RASA3: variants seen among roughly 807,000 people sequenced by gnomAD.
The protein encoded by RASA3 is ras GTPase-activating protein 3.
In RASA3, 73 loss-of-function variants were observed where a neutral mutation model predicts 110.0. That is an observed-to-expected ratio of 0.66 (90% confidence interval 0.55 to 0.81). The LOEUF is 0.81. Among genes scored for constraint, RASA3 ranks in the 30% least tolerant of loss-of-function variants. The probability of loss-of-function intolerance (pLI) is 0.00; values close to 1 mark genes in which losing one functional copy is unlikely to be tolerated. For missense variants in RASA3, 976 were observed against 1,113.2 expected (o/e 0.88, Z 1.75); for synonymous variants, 500 against 451.4 (o/e 1.11, Z -1.37).
At chr13:114,080,286 C>T (rs11843169) in intron 1 of RASA3, among the ~76,000 whole-genome samples, 9,369 of 152,212 alleles carry the variant, frequency 0.062, 670 homozygotes, top group African/African-American at 0.14. Context: ...CCGGGAGGGG[C>T]TGCTGGGAGC....
Position 114,000,881 on chromosome 13 carries a change from A to G in RASA3, c.1794T>C (p.Phe598=), listed in dbSNP as rs746822665. 1 of 1,613,938 alleles carries G rather than the reference A, an allele frequency of 6.2e-7. No individual in the cohort carries two copies. The highest frequency in any genetic ancestry group is 8.5e-7 in the Non-Finnish European group (1 of 1,179,898). Residue 598 remains phenylalanine (F), a synonymous_variant, in exon 19 of 24, where the codon TTT becomes TTC. Coordinates refer to ENST00000334062, the MANE Select transcript of RASA3 (RefSeq NM_007368.4). ...QGRKRFGMKN[F]KKRWFRLTNH... is the part of the protein sequence containing the mutation. ...TGGTCAAGCGAAACCATCTCTTCTT[A>G]AAATTCTTCATCCCAAAGCGCTTCC...
At chr13:114,051,292 G>A (rs143386344) in intron 3 of RASA3, among the ~76,000 whole-genome samples, 19 of 152,332 alleles carry the variant, frequency 1.2e-4, no homozygotes, top group East Asian at 5.8e-4. Flanking sequence ...CGTCCTGGGC[G>A]TGAGCTCAGG....
intron 1 of RASA3, among the ~76,000 whole-genome samples, chr13:114,110,414 T>C (rs996888815): frequency 3.3e-5 from 5 of 152,166 alleles, no homozygotes; most frequent in African/African-American, 7.2e-5. Context: ...AATCTCAGTG[T>C]CTGAAATAAG....
At chr13:114,032,439 A>T (rs2054186816) in intron 4 of RASA3, among the ~76,000 whole-genome samples, 1 of 152,132 alleles carries the variant, frequency 6.6e-6, no homozygotes, top group Non-Finnish European at 1.5e-5. Context: ...CCATGTACTG[A>T]TTTATGACTT....
intron 4 of RASA3, chr13:114,036,077 C>A (rs947636216): frequency 2.6e-5 from 4 of 152,254 alleles, no homozygotes; most frequent in Non-Finnish European, 4.4e-5. Flanking sequence ...CACTTGAAAG[C>A]CTGGTTTATA....
intron 1 of RASA3, among the ~76,000 whole-genome samples, chr13:114,123,246 T>TG (rs1488306864): frequency 2.0e-5 from 3 of 152,264 alleles, no homozygotes; most frequent in South Asian, 2.1e-4. Context: ...ATGGCTGCTC[T>TG]GGGGAAGAGA....
At chr13:114,110,963 C>A (rs1156379945) in intron 1 of RASA3, among the ~76,000 whole-genome samples, 5 of 152,156 alleles carry the variant, frequency 3.3e-5, no homozygotes, top group African/African-American at 1.2e-4. Context: ...TCGCCAGACA[C>A]CTGTCATAAT....
In RASA3 at chr13:114,052,132, TAA is replaced by T; in HGVS notation, c.195_196del (p.Phe65LeufsTer3). The T allele has an allele frequency of 6.2e-7, 1 of 1,613,124 alleles. No homozygotes were observed. Among genetic ancestry groups the T allele is most frequent in the Non-Finnish European group, 8.5e-7 (1 of 1,179,544 alleles). ...ACGAAAGCTCCGAGGAATTTCACAG[TAA>T]AAGTCTTCTCCGTAAAACGGGCTAG... is the stretch of plus-strand genomic sequence containing the variant. On this transcript the variant is annotated frameshift_variant, in exon 3 of 24. Transcript: ENST00000334062. LOFTEE classifies it high-confidence loss of function.
intron 1 of RASA3, among the ~76,000 whole-genome samples, chr13:114,113,167 C>T (rs988301910): frequency 2.6e-5 from 4 of 152,210 alleles, no homozygotes; most frequent in African/African-American, 7.2e-5. Context: ...GCTGTTTCCA[C>T]GGATGAGGCT....
chr13:114,082,660 C>T lies in RASA3; in HGVS notation c.56-8823G>A, dbSNP rs535717981. ...GCAGCCCCAGAGAAGGAATGGGGGG[C>T]AGGGAAAACAACTTTCCTTAACCCA... is the stretch of plus-strand genomic sequence containing the variant. On this transcript the variant is annotated intron_variant, in intron 1 of 23. Transcript: ENST00000334062. Among the ~76,000 whole-genome samples the T allele has an allele frequency of 2.0e-5, 3 of 152,282 alleles. No homozygotes were observed. In the East Asian group the frequency reaches 5.8e-4, roughly 29 times the overall value.
In RASA3 at chr13:114,056,627, G is replaced by A. The variant is rs1333458602; in HGVS notation, c.174-4472C>T. On this transcript the variant is annotated intron_variant, in intron 2 of 23. Coordinates refer to ENST00000334062, the MANE Select transcript of RASA3 (RefSeq NM_007368.4). This position sits in a 1 kb window ranked among gnomAD's most constrained non-coding sequence, Gnocchi z 5.7. ...GCCCGTGCTGGCTGGGCACCTGGGAGGGTCCCGTGAGGCTTCTGGTGGTGC... is the reference window on the plus strand; with the variant it reads ...GCCCGTGCTGGCTGGGCACCTGGGAAGGTCCCGTGAGGCTTCTGGTGGTGC... The A allele has an allele frequency of 2.8e-5, 28 of 985,220 alleles. No homozygotes were observed. The highest frequency in any genetic ancestry group is 6.2e-5 in the Admixed American group (1 of 16,252). 61.0% of individuals were successfully genotyped at this position (985,220 alleles called of 1,614,324 possible).
intron 1 of RASA3, among the ~76,000 whole-genome samples, chr13:114,074,895 G>A (rs939463858): frequency 6.6e-6 from 1 of 152,270 alleles, no homozygotes; most frequent in Admixed American, 6.5e-5. Flanking sequence ...CCAGTTTACT[G>A]GAGAATAGGG....
At chr13:114,079,036 C>T (rs959110314) in intron 1 of RASA3, among the ~76,000 whole-genome samples, 4 of 152,222 alleles carry the variant, frequency 2.6e-5, no homozygotes, top group Non-Finnish European at 2.9e-5. Flanking sequence ...CAGCAGCGGG[C>T]GTCTCCCAGG....
At chr13:113,992,647 T>A in intron 21 of RASA3, 59 bp from the exon 22 acceptor site, 2 of 1,240,356 alleles carry the variant, frequency 1.6e-6, no homozygotes, top group Non-Finnish European at 2.3e-6. Flanking sequence ...ATGCTTTTAA[T>A]AATGACATTC....
intron 4 of RASA3, among the ~76,000 whole-genome samples, chr13:114,034,988 AGGGAGAGC>A (rs2054253284): frequency 2.0e-5 from 3 of 149,684 alleles, no homozygotes; most frequent in African/African-American, 7.4e-5. Flanking sequence ...TTAGAGCAGA[AGGGAGAGC>A]TGAACGCTGA....
At chr13:114,024,449 C>T in intron 7 of RASA3, 94 bp from the exon 8 acceptor site, 3 of 1,082,850 alleles carry the variant, frequency 2.8e-6, no homozygotes, top group Middle Eastern at 2.6e-4. Context: ...ACCCTCTGCG[C>T]TTACCCACAC....
chr13:114,037,936 ACGGCC>A (rs2054311081), intron 4 of RASA3, among the ~76,000 whole-genome samples: 1 of 151,774 alleles, frequency 6.6e-6, no homozygotes, highest in African/African-American at 2.4e-5. Context: ...AGAAGGGAGC[ACGGCC>A]TTCCGTTCGG....
At chr13:114,008,964 G>A (rs1016206109) in intron 17 of RASA3, among the ~76,000 whole-genome samples, 1 of 102,384 alleles carries the variant, frequency 9.8e-6, no homozygotes, top group Non-Finnish European at 2.0e-5. Flanking sequence ...CCCACGCACC[G>A]CGTTCCTAAC....
At chr13:114,078,436 A>G (rs894823475) in intron 1 of RASA3, among the ~76,000 whole-genome samples, 3 of 152,226 alleles carry the variant, frequency 2.0e-5, no homozygotes, top group Non-Finnish European at 4.4e-5. Flanking sequence ...GAATTAAAAG[A>G]AAAGTAAACT....
Sources: gnomAD v4.1 joint callset for allele counts (sites outside exome capture counted in the v4.1 genomes callset) on GRCh38, gnomAD v4.1.1 for gene constraint, Gnocchi (gnomAD v3.1) non-coding constraint, MANE v1.5 for transcripts, NCBI Gene and HGNC (gene_info 2026-07-23, HGNC 2026-07-21) for gene names.